Variants in SOX7 observed in about 807,000 individuals in gnomAD.
The protein encoded by SOX7 is transcription factor SOX-7.
In SOX7, 19 loss-of-function variants were observed where a neutral mutation model predicts 24.9. The ratio of observed to expected loss-of-function variants is 0.76; its 90% CI spans 0.53 to 1.12. The LOEUF (loss-of-function observed/expected upper bound fraction) is 1.12, where lower values mean the gene tolerates loss of function less well. SOX7 is among the 50% of genes most tolerant of loss of function. The pLI is 0.00. For missense variants in SOX7, 702 were observed against 535.0 expected (o/e 1.31, Z -3.08); for synonymous variants, 327 against 244.5 (o/e 1.34, Z -3.15).
rs1800238239 is a variant in SOX7, at chr8:10,730,377, C to A, written c.57G>T (p.Leu19=). Residue 19 remains leucine, a synonymous_variant, in exon 1 of 2, where the codon CTG becomes CTT. Coordinates refer to ENST00000304501, the MANE Select transcript of SOX7 (RefSeq NM_031439.4). The surrounding 1 kb of genome is among the most constrained non-coding windows in gnomAD (Gnocchi z 4.8). ...ATTGTCCATCCGACAGCTCGGCGTC[C>A]AGGGCCGGGCACTCGAGACCCTCGG... is the stretch of plus-strand genomic sequence containing the variant. ...PWPEGLECPA[L]DAELSDGQSP... is the part of the protein sequence containing the mutation. The A allele has an allele frequency of 1.3e-6, 2 of 1,542,550 alleles. No individual in the cohort carries two copies. Among genetic ancestry groups the A allele is most frequent in the Non-Finnish European group, 1.7e-6 (2 of 1,149,792 alleles).
At position 10,730,334 on chromosome 8, in the gene SOX7, G is replaced by C; in HGVS notation, c.100C>G (p.Arg34Gly). 1 of 1,565,784 alleles carries C rather than the reference G, an allele frequency of 6.4e-7. No individual in the cohort carries two copies. The highest frequency in any genetic ancestry group is 8.6e-7 in the Non-Finnish European group (1 of 1,160,068). ...TCGGAGCCCTTGTCCCCCGGGGGCC[G>C]GGGGACGGCCGGCGGCGATTGTCCA... ...SDGQSPPAVP[R>G]PPGDKGSESR... Residue 34 changes from arginine (R) to glycine (G), a missense_variant, in exon 1 of 2, where the codon CGG becomes GGG. Coordinates refer to ENST00000304501, the MANE Select transcript of SOX7 (RefSeq NM_031439.4). This position sits in a 1 kb window ranked among gnomAD's most constrained non-coding sequence, Gnocchi z 4.8.
In SOX7 at chr8:10,726,248, G is replaced by T. The variant is rs370342985; in HGVS notation, c.657C>A (p.Phe219Leu). 2 of 1,613,856 alleles carry T rather than the reference G, an allele frequency of 1.2e-6. No individual in the cohort carries two copies. The highest frequency in any genetic ancestry group is 2.7e-5 in the African/African-American group (2 of 74,990). The change falls in exon 2 of 2, where the codon TTC becomes TTA. Residue 219 changes from phenylalanine (F) to leucine (L), a missense_variant. By Grantham distance (22) the Phe-to-Leu change is conservative. Coordinates refer to ENST00000304501, the MANE Select transcript of SOX7 (RefSeq NM_031439.4). Reference sequence around the variant, plus strand: ...GCTCCTCCTGGCAGGGGGAGGAGAAGAAGGTCTGCTCCGGCTCCAGCACGT... The same window carrying T: ...GCTCCTCCTGGCAGGGGGAGGAGAATAAGGTCTGCTCCGGCTCCAGCACGT... Reference protein sequence around the residue: ...PLDVLEPEQTFFSSPCQEEHG... With the variant: ...PLDVLEPEQTLFSSPCQEEHG...
rs1412624963 is a variant in SOX7, at chr8:10,726,274, C to G, written c.631G>C (p.Asp211His). The G allele has an allele frequency of 1.9e-6, 3 of 1,613,872 alleles. No individual in the cohort carries two copies. The highest frequency in any genetic ancestry group is 1.3e-5 in the African/African-American group (1 of 74,994). ...AAGGTCTGCTCCGGCTCCAGCACGTCCAGGGGAGACATTTCAGGAGGTGTG... is the reference window on the plus strand; with the variant it reads ...AAGGTCTGCTCCGGCTCCAGCACGTGCAGGGGAGACATTTCAGGAGGTGTG... ...LPTPPEMSPL[D>H]VLEPEQTFFS... is the part of the protein sequence containing the mutation. Residue 211 changes from aspartate (D) to histidine (H), a missense_variant, in exon 2 of 2, where the codon GAC (aspartate) becomes CAC (histidine). Transcript: ENST00000304501.
rs774657549 is a variant in SOX7 at position 10,726,555 on chromosome 8, C to T, written c.350G>A (p.Arg117His). 1.9e-6 allele frequency: 3 copies of T among 1,612,184 alleles called. No homozygotes were observed. Among genetic ancestry groups the T allele is most frequent in the South Asian group, 2.2e-5 (2 of 91,082 alleles). The change falls in exon 2 of 2, where the codon CGC becomes CAC. Residue 117 changes from arginine (R) to histidine (H), a missense_variant. Arg to His is a conservative substitution (Grantham distance 29). Coordinates refer to ENST00000304501, the MANE Select transcript of SOX7 (RefSeq NM_031439.4). The part of the protein sequence containing the change: ...QDYPNYKYRP[R>H]RKKQAKRLCK... ...CAGCCGCTTGGCCTGCTTCTTCCTG[C>T]GCGGCCGGTACTTGTAGTTGGGGTA... is the stretch of plus-strand genomic sequence containing the variant.
Position 10,725,938 on chromosome 8 carries a change from G to C in SOX7, c.967C>G (p.Leu323Val). 1 of 1,613,766 alleles carries C rather than the reference G, an allele frequency of 6.2e-7. No homozygotes were observed. The highest frequency in any genetic ancestry group is 8.5e-7 in the Non-Finnish European group (1 of 1,179,694). ...DALDQLSQVE[L>V]LGDMDRNEFD... is the part of the protein sequence containing the mutation. ...TCATTGCGATCCATGTCCCCCAGGA[G>C]TTCCACCTGGCTCAGTTGATCCAGG... Residue 323 changes from leucine to valine, a missense_variant, in exon 2 of 2, where the codon CTC becomes GTC. Coordinates refer to ENST00000304501, the MANE Select transcript of SOX7 (RefSeq NM_031439.4).
In SOX7 at chr8:10,724,954, T is replaced by G. The variant is rs1489533447; in HGVS notation, c.*784A>C. The G allele has an allele frequency of 6.6e-6, 1 of 152,274 alleles. No individual in the cohort carries two copies. Among genetic ancestry groups the G allele is most frequent in the Non-Finnish European group, 1.5e-5 (1 of 68,126 alleles). The allele number at this position is 152,274 out of a possible 1,614,324, so 9.4% of individuals were successfully genotyped here. ...CTAGGCTGGTCTCAAACTCCTGACC[T>G]CAGGTGATCCACATGCCTCGGCCTC... On this transcript the variant is annotated 3_prime_UTR_variant, in exon 2 of 2. Transcript: ENST00000304501.
In SOX7 at chr8:10,725,700, G is replaced by C. The variant is rs184206444; in HGVS notation, c.*38C>G. 26 of 1,609,840 alleles carry C rather than the reference G, an allele frequency of 1.6e-5. No homozygotes were observed. The African/African-American group carries it at 2.1e-4, about 13-fold the overall frequency. ...TCTGCCACTCAAGGCACAAGAAGGA[G>C]AGGGCGCGAGGGCTGACCGGACGGG... On this transcript the variant is annotated 3_prime_UTR_variant, in exon 2 of 2. Coordinates refer to ENST00000304501, the MANE Select transcript of SOX7 (RefSeq NM_031439.4).
chr8:10,730,346 G>A lies in SOX7; in HGVS notation c.88C>T (p.Pro30Ser). The stretch of plus-strand genomic sequence containing the variant: ...TCCCCCGGGGGCCGGGGGACGGCCG[G>A]CGGCGATTGTCCATCCGACAGCTCG... ...DAELSDGQSP[P>S]AVPRPPGDKG... Residue 30 changes from proline (P) to serine (S), a missense_variant, in exon 1 of 2, where the codon CCG becomes TCG. Pro to Ser is a moderately conservative substitution (Grantham distance 74, BLOSUM62 -1). Coordinates refer to ENST00000304501, the MANE Select transcript of SOX7 (RefSeq NM_031439.4). This position sits in a 1 kb window ranked among gnomAD's most constrained non-coding sequence, Gnocchi z 4.8. 1 of 1,566,068 alleles carries A rather than the reference G, an allele frequency of 6.4e-7. No individual in the cohort carries two copies. The highest frequency in any genetic ancestry group is 8.6e-7 in the Non-Finnish European group (1 of 1,160,334).
chr8:10,727,241 C>T (rs1272990007), intron 1 of SOX7, among the ~76,000 whole-genome samples: 1 of 152,192 alleles, frequency 6.6e-6, no homozygotes, highest in Non-Finnish European at 1.5e-5. Context: ...TAACAAATAC[C>T]TATTCCTTAC....
intron 1 of SOX7, among the ~76,000 whole-genome samples, chr8:10,727,337 C>A (rs1351426866): frequency 3.9e-5 from 6 of 152,186 alleles, no homozygotes; most frequent in Admixed American, 3.3e-4. Flanking sequence ...CACCCAGACA[C>A]ATGCATGCAC....
Position 10,730,311 on chromosome 8 carries a change from G to A in SOX7, c.123C>T (p.Ser41=). 1 of 1,576,952 alleles carries A rather than the reference G, an allele frequency of 6.3e-7. No homozygotes were observed. The highest frequency in any genetic ancestry group is 8.6e-7 in the Non-Finnish European group (1 of 1,163,992). Residue 41 remains serine, a synonymous_variant, in exon 1 of 2, where the codon TCC becomes TCT. Transcript: ENST00000304501. The surrounding 1 kb of genome is among the most constrained non-coding windows in gnomAD (Gnocchi z 4.8). ...TCATGGGCCGCCGGATACGGCTCTC[G>A]GAGCCCTTGTCCCCCGGGGGCCGGG... ...AVPRPPGDKG[S]ESRIRRPMNA...
rs375844109 is a variant in SOX7, at chr8:10,726,092, C to T, written c.813G>A (p.Met271Ile). 2 of 1,564,760 alleles carry T rather than the reference C, an allele frequency of 1.3e-6. No homozygotes were observed. The highest frequency in any genetic ancestry group is 1.4e-5 in the African/African-American group (1 of 73,822). Residue 271 changes from methionine (M) to isoleucine (I), a missense_variant, in exon 2 of 2, where the codon ATG (methionine) becomes ATA (isoleucine). Met to Ile is a conservative substitution (Grantham distance 10). Transcript: ENST00000304501. Reference protein sequence around the residue: ...ALGQSPGVSMMSPVPGCPPSP... With the variant: ...ALGQSPGVSMISPVPGCPPSP... ...ATGGGGGACAGCCGGGTACAGGGGA[C>T]ATCATGGAGACGCCGGGGGACTGGC...
Position 10,730,337 on chromosome 8 carries a change from G to A in SOX7, c.97C>T (p.Pro33Ser). 5 of 1,568,182 alleles carry A rather than the reference G, an allele frequency of 3.2e-6. No homozygotes were observed. The highest frequency in any genetic ancestry group is 3.4e-6 in the Non-Finnish European group (4 of 1,161,158). Reference protein sequence around the residue: ...LSDGQSPPAVPRPPGDKGSES... With the variant: ...LSDGQSPPAVSRPPGDKGSES... ...GAGCCCTTGTCCCCCGGGGGCCGGG[G>A]GACGGCCGGCGGCGATTGTCCATCC... The change falls in exon 1 of 2, where the codon CCC (proline) becomes TCC (serine). Residue 33 changes from proline to serine, a missense_variant. By Grantham distance (74) the Pro-to-Ser change is moderately conservative (BLOSUM62 -1). Coordinates refer to ENST00000304501, the MANE Select transcript of SOX7 (RefSeq NM_031439.4). This position sits in a 1 kb window ranked among gnomAD's most constrained non-coding sequence, Gnocchi z 4.8.
In SOX7 at chr8:10,726,461, C is replaced by G. The variant is rs1800156817; in HGVS notation, c.444G>C (p.Lys148Asn). The G allele has an allele frequency of 1.2e-6, 2 of 1,612,472 alleles. No individual in the cohort carries two copies. Residue 148 changes from lysine (K) to asparagine (N), a missense_variant, in exon 2 of 2, where the codon AAG becomes AAC. By Grantham distance (94) the Lys-to-Asn change is moderately conservative. Transcript: ENST00000304501. The stretch of plus-strand genomic sequence containing the variant: ...CCAGCGCCCCCCGGCTGCCGCTTCT[C>G]TTCTCCGGCAGGGCGTTCTGGTCCC... ...LSRDQNALPE[K>N]RSGSRGALGE... is the part of the protein sequence containing the mutation.
rs1800103636 is a variant in SOX7, at chr8:10,724,513, A to C, written c.*1225T>G. On this transcript the variant is annotated 3_prime_UTR_variant, in exon 2 of 2. Transcript: ENST00000304501. ...GCACCTTTTGAATCTACAGAGGGGA[A>C]AGTGTGTATCCAGATTTGAAGACAG... 1 of 152,212 alleles carries C rather than the reference A, an allele frequency of 6.6e-6. No homozygotes were observed. The highest frequency in any genetic ancestry group is 1.5e-5 in the Non-Finnish European group (1 of 68,028). 9.4% of individuals were successfully genotyped at this position (152,212 alleles called of 1,614,324 possible). A position where few individuals can be genotyped will look rare whatever the true frequency, so the allele number is the denominator to read the frequency against.
In SOX7 at chr8:10,726,567, T is replaced by C. The variant is rs1399306150; in HGVS notation, c.338A>G (p.Lys113Arg). ...LQHMQDYPNY[K>R]YRPRRKKQAK... is the part of the protein sequence containing the mutation. The stretch of plus-strand genomic sequence containing the variant: ...CTGCTTCTTCCTGCGCGGCCGGTAC[T>C]TGTAGTTGGGGTAGTCCTGCATGTG... The change falls in exon 2 of 2, where the codon AAG (lysine) becomes AGG (arginine). Residue 113 changes from lysine to arginine, a missense_variant. Physicochemically the swap from Lys to Arg is conservative, Grantham distance 26. Coordinates refer to ENST00000304501, the MANE Select transcript of SOX7 (RefSeq NM_031439.4). 9 of 1,611,718 alleles carry C rather than the reference T, an allele frequency of 5.6e-6. No individual in the cohort carries two copies. Among genetic ancestry groups the C allele is most frequent in the Non-Finnish European group, 7.6e-6 (9 of 1,179,964 alleles).
chr8:10,726,239 G>C lies in SOX7; in HGVS notation c.666C>G (p.Ser222=). 3 of 1,613,716 alleles carry C rather than the reference G, an allele frequency of 1.9e-6. No individual in the cohort carries two copies. The highest frequency in any genetic ancestry group is 2.5e-6 in the Non-Finnish European group (3 of 1,179,938). Residue 222 remains serine, a synonymous_variant, in exon 2 of 2, where the codon TCC becomes TCG. Coordinates refer to ENST00000304501, the MANE Select transcript of SOX7 (RefSeq NM_031439.4). ...GATGGCCATGCTCCTCCTGGCAGGGGGAGGAGAAGAAGGTCTGCTCCGGCT... is the reference window on the plus strand; with the variant it reads ...GATGGCCATGCTCCTCCTGGCAGGGCGAGGAGAAGAAGGTCTGCTCCGGCT... ...VLEPEQTFFS[S]PCQEEHGHPR... is the part of the protein sequence containing the mutation.
rs746689248 is a variant in SOX7 at position 10,726,009 on chromosome 8, T to C, written c.896A>G (p.His299Arg). The change falls in exon 2 of 2, where the codon CAC (histidine) becomes CGC (arginine). Residue 299 changes from histidine to arginine, a missense_variant. Transcript: ENST00000304501. ...YHPLHSNLQA[H>R]LGQLSPPPEH... ...AGGAGGCGGGGAAAGCTGGCCCAGG[T>C]GGGCTTGGAGGTTGGAGTGGAGTGG... The C allele has an allele frequency of 6.9e-6, 11 of 1,589,472 alleles. No homozygotes were observed. The highest frequency in any genetic ancestry group is 9.4e-6 in the Non-Finnish European group (11 of 1,166,868).
In SOX7 at chr8:10,726,212, G is replaced by A; in HGVS notation, c.693C>T (p.Pro231=). 6.2e-7 allele frequency: 1 copy of A among 1,612,034 alleles called. No homozygotes were observed. Among genetic ancestry groups the A allele is most frequent in the Non-Finnish European group, 8.5e-7 (1 of 1,178,686 alleles). Residue 231 remains proline, a synonymous_variant, in exon 2 of 2, where the codon CCC becomes CCT. Transcript: ENST00000304501. The part of the protein sequence containing the change: ...SSPCQEEHGH[P]RRIPHLPGHP... Reference sequence around the variant, plus strand: ...GCCCTGGCAGGTGGGGGATGCGGCGGGGATGGCCATGCTCCTCCTGGCAGG... The same window carrying A: ...GCCCTGGCAGGTGGGGGATGCGGCGAGGATGGCCATGCTCCTCCTGGCAGG...
Sources: gnomAD v4.1 joint callset for allele counts (sites outside exome capture counted in the v4.1 genomes callset) on GRCh38, gnomAD v4.1.1 for gene constraint, Gnocchi (gnomAD v3.1) non-coding constraint, MANE v1.5 for transcripts, NCBI Gene and HGNC (gene_info 2026-07-23, HGNC 2026-07-21) for gene names.